The following MMAA variants were observed in gnomAD, a reference collection of about 807,000 sequenced individuals.
The protein encoded by MMAA is methylmalonic aciduria type A protein, mitochondrial.
In MMAA, 41 loss-of-function variants were observed where a neutral mutation model predicts 45.0. That is an observed-to-expected ratio of 0.91 (90% CI 0.71 to 1.18). The LOEUF (loss-of-function observed/expected upper bound fraction) is 1.18, where lower values mean the gene tolerates loss of function less well. MMAA is among the 50% of genes most tolerant of loss of function. The pLI is 0.00. For missense variants in MMAA, 460 were observed against 495.7 expected (o/e 0.93, Z 0.68); for synonymous variants, 154 against 178.2 (o/e 0.86, Z 1.08).
At chr4:145,648,178 C>G (rs1727989193) in intron 4 of MMAA, among the ~76,000 whole-genome samples, 1 of 130,194 alleles carries the variant, frequency 7.7e-6, no homozygotes, top group Admixed American at 8.0e-5. Context: ...GACAGAGTCT[C>G]GCTCTGTTGT....
chr4:145,624,975 T>C, intron 1 of MMAA: 1 of 1,050,984 alleles, frequency 9.5e-7, no homozygotes, highest in Non-Finnish European at 1.5e-6. Flanking sequence ...CCCTGACAGT[T>C]GGTACAGGAG....
At chr4:145,629,231 C>T (rs772507169) in intron 1 of MMAA, among the ~76,000 whole-genome samples, 11 of 152,226 alleles carry the variant, frequency 7.2e-5, no homozygotes, top group East Asian at 1.9e-4. Flanking sequence ...CCTGCGTTCA[C>T]GCCATTCTCC....
In MMAA at chr4:145,655,446, C is replaced by A; in HGVS notation, c.*12C>A. On this transcript the variant is annotated 3_prime_UTR_variant, in exon 7 of 7. Transcript: ENST00000649156. Reference sequence around the variant, plus strand: ...AAAGCAGAGACTAATAAAATTCATCCTGTATAATAATTTTACATATCATTT... The same window carrying A: ...AAAGCAGAGACTAATAAAATTCATCATGTATAATAATTTTACATATCATTT... 1 of 1,599,470 alleles carries A rather than the reference C, an allele frequency of 6.3e-7. No homozygotes were observed. Among genetic ancestry groups the A allele is most frequent in the Non-Finnish European group, 8.5e-7 (1 of 1,171,632 alleles).
At chr4:145,627,606 G>A (rs1276068330) in intron 1 of MMAA, among the ~76,000 whole-genome samples, 2 of 152,112 alleles carry the variant, frequency 1.3e-5, no homozygotes, top group African/African-American at 4.8e-5. Flanking sequence ...TAGAAAACAA[G>A]AAGACAAATA....
intron 4 of MMAA, 63 bp downstream of exon 4, chr4:145,646,219 G>C: frequency 6.3e-7 from 1 of 1,587,892 alleles, no homozygotes; most frequent in East Asian, 2.2e-5. Context: ...AAAGATGAGT[G>C]ACAACTTATT....
chr4:145,639,821 C>A (rs1231666454), intron 2 of MMAA: 2 of 984,602 alleles, frequency 2.0e-6, no homozygotes, highest in African/African-American at 3.5e-5. Flanking sequence ...TGGCAAGAAT[C>A]TTGCTCTGGA....
At chr4:145,653,465 A>C (rs1415771950) in intron 5 of MMAA, among the ~76,000 whole-genome samples, 5 of 152,220 alleles carry the variant, frequency 3.3e-5, no homozygotes, top group Admixed American at 3.3e-4. Context: ...AAAAATACAA[A>C]GTATAAAAAT....
intron 1 of MMAA, among the ~76,000 whole-genome samples, chr4:145,628,166 G>T (rs1355390078): frequency 6.6e-6 from 1 of 152,158 alleles, no homozygotes; most frequent in African/African-American, 2.4e-5. Flanking sequence ...ATCATGAGTA[G>T]TTATTAGGCA....
chr4:145,648,018 A>G (rs1370294287), intron 4 of MMAA, among the ~76,000 whole-genome samples: 9 of 142,930 alleles, frequency 6.3e-5, no homozygotes, highest in African/African-American at 2.1e-4. Flanking sequence ...CACCATGCCC[A>G]GCTAATTTTT....
In MMAA at chr4:145,652,015, C is replaced by T. The variant is rs1277773203; in HGVS notation, c.819+868C>T. Among the ~76,000 whole-genome samples the T allele has an allele frequency of 2.0e-5, 3 of 152,140 alleles. No individual in the cohort carries two copies. In the East Asian group the frequency reaches 5.8e-4, roughly 29 times the overall value. On this transcript the variant is annotated intron_variant, in intron 5 of 6. Coordinates refer to ENST00000649156, the MANE Select transcript of MMAA (RefSeq NM_172250.3). The stretch of plus-strand genomic sequence containing the variant: ...CCCCTGCTGTGAGGCCCAGTTCCTC[C>T]GTGGCCTGGGGGTTGGGGACCCTTG...
chr4:145,624,874 T>TG (rs1289509113), intron 1 of MMAA: 3 of 1,608,694 alleles, frequency 1.9e-6, no homozygotes, highest in Non-Finnish European at 2.6e-6. Context: ...GTAACCATGC[T>TG]GGGGGTGTAC....
At chr4:145,623,931 G>T (rs1734142691) in intron 1 of MMAA, among the ~76,000 whole-genome samples, 1 of 152,184 alleles carries the variant, frequency 6.6e-6, no homozygotes, top group Admixed American at 6.5e-5. Context: ...TAACACTTCT[G>T]TAAGAAGGAA....
chr4:145,640,746 T>C (rs1727757806), intron 2 of MMAA, among the ~76,000 whole-genome samples: 1 of 152,258 alleles, frequency 6.6e-6, no homozygotes, highest in African/African-American at 2.4e-5. Context: ...GACTTGGTTC[T>C]GAAATTGTTT....
At chr4:145,629,682 A>G (rs1034405856) in intron 1 of MMAA, among the ~76,000 whole-genome samples, 3 of 152,198 alleles carry the variant, frequency 2.0e-5, no homozygotes, top group Admixed American at 2.0e-4. Context: ...ACAGTTCCAC[A>G]TGGCTGGGGA....
rs1728315462 is a variant in MMAA, at chr4:145,659,048, CATTAGCGTTATTCAGGT to C, written c.*3616_*3632del. The C allele has an allele frequency of 6.6e-6, 1 of 152,168 alleles. No homozygotes were observed. The highest frequency in any genetic ancestry group is 1.5e-5 in the Non-Finnish European group (1 of 68,042). The allele number at this position is 152,168 out of a possible 1,614,324, so 9.4% of individuals were successfully genotyped here. A position where few individuals can be genotyped will look rare whatever the true frequency, so the allele number is the denominator to read the frequency against. ...TGGCACCAACGGTAGATGTTCTCAA[CATTAGCGTTATTCAGGT>C]AAGACTACAACAATGATGAACATGT... On this transcript the variant is annotated 3_prime_UTR_variant, in exon 7 of 7. Transcript: ENST00000649156.
chr4:145,623,658 A>G (rs1245211994), intron 1 of MMAA, among the ~76,000 whole-genome samples: 1 of 152,232 alleles, frequency 6.6e-6, no homozygotes, highest in African/African-American at 2.4e-5. Flanking sequence ...AATACACTGT[A>G]TATTAATAGA....
intron 1 of MMAA, among the ~76,000 whole-genome samples, chr4:145,634,620 T>A (rs905440792): frequency 1.3e-5 from 2 of 151,846 alleles, no homozygotes; most frequent in African/African-American, 4.8e-5. Context: ...TTTGCTTTTC[T>A]CAAGCAGAAG....
chr4:145,650,004 A>G (rs1409126865), intron 4 of MMAA, among the ~76,000 whole-genome samples: 2 of 152,190 alleles, frequency 1.3e-5, no homozygotes, highest in Non-Finnish European at 2.9e-5. Flanking sequence ...GACAGTTTTA[A>G]GTGGGGTGAG....
Position 145,646,047 on chromosome 4 carries a change from C to G in MMAA, c.624C>G (p.Ile208Met). ...TATCAAGAGATATGAATGCATACAT[C>G]AGGCCATCTCCTACTAGAGGAACTT... ...TELSRDMNAY[I>M]RPSPTRGTLG... The change falls in exon 4 of 7, where the codon ATC (isoleucine) becomes ATG (methionine). Residue 208 changes from isoleucine (I) to methionine (M), a missense_variant. Coordinates refer to ENST00000649156, the MANE Select transcript of MMAA (RefSeq NM_172250.3). 1 of 1,614,054 alleles carries G rather than the reference C, an allele frequency of 6.2e-7. No individual in the cohort carries two copies. Among genetic ancestry groups the G allele is most frequent in the Non-Finnish European group, 8.5e-7 (1 of 1,179,946 alleles).
Sources: gnomAD v4.1 joint callset for allele counts (sites outside exome capture counted in the v4.1 genomes callset) on GRCh38, gnomAD v4.1.1 for gene constraint, MANE v1.5 for transcripts, NCBI Gene and HGNC (gene_info 2026-07-23, HGNC 2026-07-21) for gene names.